ANKRD62: variants seen among roughly 807,000 people sequenced by gnomAD.
ANKRD62 encodes the protein ankyrin repeat domain 62.
A neutral mutation model predicts 98.8 loss-of-function variants in ANKRD62; 61 were observed. The observed-to-expected ratio is 0.62, with a 90% confidence interval of 0.50 to 0.76. The LOEUF is 0.76. ANKRD62 is among the 30% of genes least tolerant of loss of function. The probability of loss-of-function intolerance (pLI) is 0.00; values close to 1 mark genes in which losing one functional copy is unlikely to be tolerated. For synonymous variants in ANKRD62, 341 were observed against 367.9 expected (o/e 0.93, Z 0.84); for missense variants, 933 against 1,082.9 (o/e 0.86, Z 1.94).
At chr18:12,111,248 CA>C (rs35918523) in intron 8 of ANKRD62, among the ~76,000 whole-genome samples, 1,948 of 124,594 alleles carry the variant, frequency 0.016, 23 homozygotes, top group Middle Eastern at 0.067. Context: ...GACTGCCTCT[CA>C]AAAAAAAAAA....
At chr18:12,110,409 CTTTA>C (rs1408213579) in intron 8 of ANKRD62, among the ~76,000 whole-genome samples, 2 of 152,042 alleles carry the variant, frequency 1.3e-5, no homozygotes, top group African/African-American at 2.4e-5. Flanking sequence ...AATTTTATGG[CTTTA>C]TTCATTTATA....
chr18:12,146,504 G>A, the ANKRD62 span, among the ~76,000 whole-genome samples: 2 of 152,178 alleles, frequency 1.3e-5, no homozygotes, highest in African/African-American at 4.8e-5. Context: ...GGAGTGCAGT[G>A]GCACAATCTC....
At chr18:12,120,556 A>C (rs1909762512) in intron 10 of ANKRD62, among the ~76,000 whole-genome samples, 1 of 152,136 alleles carries the variant, frequency 6.6e-6, no homozygotes, top group South Asian at 2.1e-4. Flanking sequence ...ACAGCATGTA[A>C]TTGGGTATTG....
At chr18:12,175,907 T>C in the ANKRD62 span, among the ~76,000 whole-genome samples, 7 of 151,778 alleles carry the variant, frequency 4.6e-5, no homozygotes, top group East Asian at 1.9e-4. Context: ...AAACAGGATT[T>C]TAGGCCAGGC....
At chr18:12,112,269 C>A (rs975696376) in intron 8 of ANKRD62, among the ~76,000 whole-genome samples, 1 of 152,056 alleles carries the variant, frequency 6.6e-6, no homozygotes, top group Non-Finnish European at 1.5e-5. Context: ...CAAGGCAGTC[C>A]TCAGCAAAAA....
intron 9 of ANKRD62, 74 bp downstream of exon 9, chr18:12,115,195 CT>C: frequency 7.6e-7 from 1 of 1,322,202 alleles, no homozygotes; most frequent in South Asian, 2.1e-5. Context: ...AACAGAAAAT[CT>C]TTTGCTGTAA....
the ANKRD62 span, among the ~76,000 whole-genome samples, chr18:12,168,290 C>A: frequency 6.6e-6 from 1 of 151,996 alleles, no homozygotes; most frequent in Non-Finnish European, 1.5e-5. Flanking sequence ...AGTCTTTAAT[C>A]CATCTTGAAT....
chr18:12,121,649 C>T (rs1909784615), intron 10 of ANKRD62, among the ~76,000 whole-genome samples: 1 of 152,200 alleles, frequency 6.6e-6, no homozygotes, highest in African/African-American at 2.4e-5. Flanking sequence ...GAATCTATGT[C>T]AGATTTTCTC....
At chr18:12,170,951 A>G in the ANKRD62 span, among the ~76,000 whole-genome samples, 3 of 106,540 alleles carry the variant, frequency 2.8e-5, no homozygotes, top group African/African-American at 4.0e-5. Flanking sequence ...TAGGATTGCA[A>G]CCCCTGCTTT....
chr18:12,165,031 T>A, the ANKRD62 span, among the ~76,000 whole-genome samples: 1 of 152,066 alleles, frequency 6.6e-6, no homozygotes, highest in South Asian at 2.1e-4. Context: ...CATTATATAA[T>A]GACTTTTTTC....
At chr18:12,117,219 A>G (rs935813040) in intron 10 of ANKRD62, among the ~76,000 whole-genome samples, 1 of 152,126 alleles carries the variant, frequency 6.6e-6, no homozygotes, top group African/African-American at 2.4e-5. Flanking sequence ...TTCTTTCTCA[A>G]AGTACCCTCT....
At chr18:12,104,420 C>A (rs1909370552) in intron 7 of ANKRD62, among the ~76,000 whole-genome samples, 1 of 152,074 alleles carries the variant, frequency 6.6e-6, no homozygotes, top group South Asian at 2.1e-4. Context: ...AACTCATAAT[C>A]TTCCACTTTC....
the ANKRD62 span, among the ~76,000 whole-genome samples, chr18:12,174,455 T>C: frequency 6.6e-6 from 1 of 152,232 alleles, no homozygotes; most frequent in African/African-American, 2.4e-5. Flanking sequence ...CTCCCGTAGC[T>C]CAGTGATTTT....
rs1207314992 is a variant in ANKRD62 at position 12,099,638 on chromosome 18, A to G, written c.776A>G (p.Tyr259Cys). ...AGCATTCGTGGAATGATTTCTGAAT[A>G]TAAAGCAAACAAGAGATGTAAAAGT... ...FQAIRGMISEYKANKRCKSLQ... is the reference protein window; with the variant it reads ...FQAIRGMISECKANKRCKSLQ... Residue 259 changes from tyrosine to cysteine, a missense_variant, in exon 6 of 14, where the codon TAT (tyrosine) becomes TGT (cysteine). Coordinates refer to ENST00000587848, the MANE Select transcript of ANKRD62 (RefSeq NM_001277333.2). 1 of 1,497,390 alleles carries G rather than the reference A, an allele frequency of 6.7e-7. No homozygotes were observed. The highest frequency in any genetic ancestry group is 8.9e-7 in the Non-Finnish European group (1 of 1,125,640). The allele number at this position is 1,497,390 out of a possible 1,614,324, so 92.8% of individuals were successfully genotyped here. A position where few individuals can be genotyped will look rare whatever the true frequency, so the allele number is the denominator to read the frequency against.
In ANKRD62 at chr18:12,124,213, A is replaced by G; in HGVS notation, c.1531A>G (p.Ile511Val). 7.0e-7 allele frequency: 1 copy of G among 1,425,354 alleles called. No individual in the cohort carries two copies. Among genetic ancestry groups the G allele is most frequent in the East Asian group, 2.5e-5 (1 of 40,054 alleles). 88.3% of individuals were successfully genotyped at this position (1,425,354 alleles called of 1,614,324 possible). A position where few individuals can be genotyped will look rare whatever the true frequency, so the allele number is the denominator to read the frequency against. ...LYEKDIEELKIMEEQYRTQTE... is the reference protein window; with the variant it reads ...LYEKDIEELKVMEEQYRTQTE... ...TGAAAAAGATATAGAAGAGTTAAAAATAATGGAAGAGCAATATAGGACACA... is the reference window on the plus strand; with the variant it reads ...TGAAAAAGATATAGAAGAGTTAAAAGTAATGGAAGAGCAATATAGGACACA... Residue 511 changes from isoleucine to valine, a missense_variant, in exon 12 of 14, where the codon ATA becomes GTA. This residue lies in a region of ANKRD62 where 22 missense variants were observed against 60.5 expected (regional missense o/e 0.36). Transcript: ENST00000587848.
chr18:12,119,837 T>C (rs1004008680), intron 10 of ANKRD62, among the ~76,000 whole-genome samples: 1 of 152,128 alleles, frequency 6.6e-6, no homozygotes, highest in Non-Finnish European at 1.5e-5. Flanking sequence ...CATTTAGTGC[T>C]AAAAATTTGT....
rs1568060644 is a variant in ANKRD62 at position 12,107,307 on chromosome 18, A to G, written c.904A>G (p.Met302Val). The G allele has an allele frequency of 2.7e-6, 4 of 1,491,396 alleles. No homozygotes were observed. Among genetic ancestry groups the G allele is most frequent in the Non-Finnish European group, 3.5e-6 (4 of 1,128,076 alleles). The allele number at this position is 1,491,396 out of a possible 1,614,324, so 92.4% of individuals were successfully genotyped here. ...ACTTTCATTGAAGGTTGAAGAAAAA[A>G]TGAAGAAATGCAGAAATAAGAAAAT... ...ESSQPQVEEK[M>V]KKCRNKKMEV... Residue 302 changes from methionine (M) to valine (V), a missense_variant, in exon 8 of 14, where the codon ATG becomes GTG. By Grantham distance (21) the Met-to-Val change is conservative (BLOSUM62 1). Transcript: ENST00000587848.
At chr18:12,175,630 C>G in the ANKRD62 span, among the ~76,000 whole-genome samples, 4 of 151,972 alleles carry the variant, frequency 2.6e-5, no homozygotes, top group Non-Finnish European at 5.9e-5. Context: ...AAGCTATGAC[C>G]CAAGGCTGCC....
chr18:12,124,153 C>G lies in ANKRD62; in HGVS notation c.1471C>G (p.Gln491Glu), dbSNP rs11873244. The G allele has an allele frequency of 0.28, 329,311 of 1,157,084 alleles. 48,882 individuals are homozygous for G. Among genetic ancestry groups the G allele is most frequent in the Non-Finnish European group, 0.31 (250,174 of 818,394 alleles). 71.7% of individuals were successfully genotyped at this position (1,157,084 alleles called of 1,614,324 possible). ...TAACTACAGATTTATCTTACAACAA[C>G]AAGAAGAAGAAAGAATAAAGGCTGA... ...LCNLRFILQQ[Q>E]EEERIKAEEL... is the part of the protein sequence containing the mutation. The change falls in exon 12 of 14, where the codon CAA (glutamine) becomes GAA (glutamate). Residue 491 changes from glutamine to glutamate, a missense_variant. Coordinates refer to ENST00000587848, the MANE Select transcript of ANKRD62 (RefSeq NM_001277333.2).
Sources: gnomAD v4.1 joint callset for allele counts (sites outside exome capture counted in the v4.1 genomes callset) on GRCh38, gnomAD v4.1.1 for gene constraint, gnomAD v4.1.1 regional missense constraint, MANE v1.5 for transcripts, NCBI Gene and HGNC (gene_info 2026-07-23, HGNC 2026-07-21) for gene names.